NELL1: variants seen among roughly 807,000 people sequenced by gnomAD.
NELL1 encodes the protein neural EGFL like 1.
A neutral mutation model predicts 107.4 loss-of-function variants in NELL1; 76 were observed. The ratio of observed to expected loss-of-function variants is 0.71; its 90% CI spans 0.59 to 0.86. The LOEUF is 0.86. Among genes scored for constraint, NELL1 ranks in the 40% least tolerant of loss-of-function variants. The pLI is 0.00. For missense variants in NELL1, 1,024 were observed against 1,005.5 expected (o/e 1.02, Z -0.25); for synonymous variants, 353 against 341.2 (o/e 1.03, Z -0.38).
intron 14 of NELL1, among the ~76,000 whole-genome samples, chr11:21,316,624 C>T (rs1358534479): frequency 6.6e-6 from 1 of 152,122 alleles, no homozygotes; most frequent in Non-Finnish European, 1.5e-5. Flanking sequence ...CAGAGTGCCC[C>T]CTCTGATCCT....
intron 13 of NELL1, among the ~76,000 whole-genome samples, chr11:21,169,472 G>A (rs2133810161): frequency 6.6e-6 from 1 of 151,900 alleles, no homozygotes; most frequent in African/African-American, 2.4e-5. Context: ...CAGAACTCCA[G>A]GGTATACATT....
At chr11:20,755,075 A>G (rs1856229664) in intron 2 of NELL1, among the ~76,000 whole-genome samples, 1 of 152,168 alleles carries the variant, frequency 6.6e-6, no homozygotes, top group Non-Finnish European at 1.5e-5. Context: ...GGCCTGACTC[A>G]TCATCAGCCG....
In NELL1 at chr11:20,773,852, C is replaced by T. The variant is rs111594228; in HGVS notation, c.185-9828C>T. On this transcript the variant is annotated intron_variant, in intron 2 of 19. Coordinates refer to ENST00000357134, the MANE Select transcript of NELL1 (RefSeq NM_006157.5). ...GCTTCAGAGCCTGAGCTCTTAACCA[C>T]TACCCTACATTGCCTCTTACCTGGA... Among the ~76,000 whole-genome samples, 306 of 152,234 alleles carry T rather than the reference C, an allele frequency of 2.0e-3. 1 individual carries two copies. The highest frequency in any genetic ancestry group is 7.1e-3 in the African/African-American group (297 of 41,540).
chr11:21,095,782 G>A (rs909901716), intron 12 of NELL1, among the ~76,000 whole-genome samples: 3 of 151,964 alleles, frequency 2.0e-5, no homozygotes, highest in African/African-American at 7.3e-5. Context: ...AACTACTTTT[G>A]TATTTTTAGT....
chr11:21,027,283 T>TAGTTTAGTTTAGTTA (rs2134311385), intron 12 of NELL1, among the ~76,000 whole-genome samples: 2 of 11,184 alleles, frequency 1.8e-4, no homozygotes, highest in Non-Finnish European at 8.7e-4. Context: ...GGGAAAAGCC[T>TAGTTTAGTTTAGTTA]AGTTTAGTTT....
chr11:20,759,469 T>C (rs1856370228), intron 2 of NELL1, among the ~76,000 whole-genome samples: 1 of 152,210 alleles, frequency 6.6e-6, no homozygotes, highest in African/African-American at 2.4e-5. Context: ...AACTACAGTA[T>C]TGCTAATAAC....
intron 15 of NELL1, among the ~76,000 whole-genome samples, chr11:21,472,018 A>G (rs1218419327): frequency 1.3e-5 from 2 of 152,072 alleles, no homozygotes; most frequent in Non-Finnish European, 1.5e-5. Flanking sequence ...ATGAAGTTCA[A>G]TTGAGTTCAA....
At chr11:20,906,608 T>C (rs1419598718) in intron 5 of NELL1, among the ~76,000 whole-genome samples, 1 of 152,030 alleles carries the variant, frequency 6.6e-6, no homozygotes, top group Non-Finnish European at 1.5e-5. Flanking sequence ...AAAATACAAA[T>C]GAACTGAATC....
intron 14 of NELL1, among the ~76,000 whole-genome samples, chr11:21,328,809 T>C (rs565902024): frequency 1.8e-4 from 28 of 152,326 alleles, no homozygotes; most frequent in African/African-American, 6.7e-4. Context: ...TAAGGTTTAA[T>C]GACTGCCCTA....
intron 13 of NELL1, among the ~76,000 whole-genome samples, chr11:21,144,331 TAAGGACAGTTGC>T (rs1410043306): frequency 2.0e-5 from 3 of 152,178 alleles, no homozygotes; most frequent in African/African-American, 4.8e-5. Context: ...CATTTGTATC[TAAGGACAGTTGC>T]ATTCTGATTG....
At chr11:21,023,088 G>T (rs1203822780) in intron 12 of NELL1, among the ~76,000 whole-genome samples, 1 of 151,910 alleles carries the variant, frequency 6.6e-6, no homozygotes. Context: ...GCTTAATAGG[G>T]TATTTCAAAT....
intron 12 of NELL1, among the ~76,000 whole-genome samples, chr11:20,975,580 A>C (rs143388077): frequency 0.015 from 2,156 of 144,728 alleles, 55 homozygotes; most frequent in African/African-American, 0.051. Flanking sequence ...TGTATTATAT[A>C]CACATATGTA....
At chr11:21,552,530 A>T (rs1160891614) in intron 16 of NELL1, among the ~76,000 whole-genome samples, 1 of 151,752 alleles carries the variant, frequency 6.6e-6, no homozygotes. Context: ...AATAAAGAGA[A>T]TTTGATCCTC....
At chr11:21,174,980 G>T (rs1856682625) in intron 13 of NELL1, among the ~76,000 whole-genome samples, 1 of 151,652 alleles carries the variant, frequency 6.6e-6, no homozygotes, top group African/African-American at 2.4e-5. Context: ...TGAATCACAT[G>T]TTGCTCATCT....
chr11:21,115,136 C>G (rs528446202), intron 13 of NELL1, among the ~76,000 whole-genome samples: 1 of 151,904 alleles, frequency 6.6e-6, no homozygotes, highest in Non-Finnish European at 1.5e-5. Flanking sequence ...ATAGGATAGG[C>G]GCTCTGTCTG....
chr11:20,813,982 A>C (rs115455143), intron 3 of NELL1, among the ~76,000 whole-genome samples: 2,351 of 151,206 alleles, frequency 0.016, 69 homozygotes, highest in African/African-American at 0.054. Flanking sequence ...TTTATAAATA[A>C]ATTTATTTAT....
chr11:21,430,575 C>T (rs1181123252), intron 15 of NELL1, among the ~76,000 whole-genome samples: 1 of 152,088 alleles, frequency 6.6e-6, no homozygotes, highest in Admixed American at 6.6e-5. Flanking sequence ...ATGAAGTGCT[C>T]TTGTACCACC....
chr11:21,512,551 G>A lies in NELL1; in HGVS notation c.1646-21823G>A, dbSNP rs1283572043. ...CCTCAAGGAAAATGTACTACTGAGAGCCAGGAGAGGGTCTAATTCAACTTT... is the reference window on the plus strand; with the variant it reads ...CCTCAAGGAAAATGTACTACTGAGAACCAGGAGAGGGTCTAATTCAACTTT... On this transcript the variant is annotated intron_variant, in intron 15 of 19. Transcript: ENST00000357134. 5.9e-5 allele frequency among the ~76,000 whole-genome samples: 9 copies of A among 152,062 alleles called. No individual in the cohort carries two copies. In the East Asian group the frequency reaches 1.7e-3, roughly 29 times the overall value.
chr11:21,309,057 T>C (rs546361313), intron 14 of NELL1, among the ~76,000 whole-genome samples: 3 of 151,810 alleles, frequency 2.0e-5, no homozygotes, highest in South Asian at 2.1e-4. Context: ...ATTTAGCATA[T>C]GCTTTCATTT....
Sources: gnomAD v4.1 joint callset for allele counts (sites outside exome capture counted in the v4.1 genomes callset) on GRCh38, gnomAD v4.1.1 for gene constraint, MANE v1.5 for transcripts, NCBI Gene and HGNC (gene_info 2026-07-23, HGNC 2026-07-21) for gene names.